The following MYO1E variants were observed in gnomAD, a reference collection of about 807,000 sequenced individuals.
MYO1E encodes the protein myosin IE, also known as unconventional myosin-Ie.
Under a neutral mutation model 151.1 loss-of-function variants are expected in MYO1E, and 68 were observed. The ratio of observed to expected loss-of-function variants is 0.45; its 90% CI spans 0.37 to 0.55. The LOEUF (loss-of-function observed/expected upper bound fraction) is 0.55, where lower values mean the gene tolerates loss of function less well. Among genes scored for constraint, MYO1E ranks in the 20% least tolerant of loss-of-function variants. The probability of loss-of-function intolerance (pLI) is 0.00; values close to 1 mark genes in which losing one functional copy is unlikely to be tolerated. For missense variants in MYO1E, 1,363 were observed against 1,389.3 expected (o/e 0.98, Z 0.30); for synonymous variants, 601 against 501.7 (o/e 1.20, Z -2.64).
chr15:59,353,084 C>T (rs1481794205), intron 1 of MYO1E, among the ~76,000 whole-genome samples: 2 of 152,182 alleles, frequency 1.3e-5, no homozygotes, highest in African/African-American at 2.4e-5. Context: ...TAAGTTTCTT[C>T]AACCTTCACA....
At chr15:59,174,335 A>AC (rs2140317535) in intron 19 of MYO1E, 95 bp from the exon 20 acceptor site, 1 of 859,190 alleles carries the variant, frequency 1.2e-6, no homozygotes, top group Admixed American at 1.7e-5. Context: ...CAGTTTAGAC[A>AC]ATGACACACA....
rs189463075 is a variant in MYO1E at position 59,266,042 on chromosome 15, T to G, written c.148-4533A>C. ...AAAACTAAGGAGAATTTAATTGATT[T>G]AAAGAAAATAAACATATCGTAGTTA... On this transcript the variant is annotated intron_variant, in intron 2 of 27. Coordinates refer to ENST00000288235, the MANE Select transcript of MYO1E (RefSeq NM_004998.4). Among the ~76,000 whole-genome samples the G allele has an allele frequency of 1.0e-3, 158 of 152,272 alleles. 2 individuals are homozygous for G. Among genetic ancestry groups the G allele is most frequent in the South Asian group, 6.0e-3 (29 of 4,826 alleles).
chr15:59,263,907 T>A (rs543493413), intron 2 of MYO1E, among the ~76,000 whole-genome samples: 2 of 152,180 alleles, frequency 1.3e-5, no homozygotes, highest in South Asian at 4.1e-4. Flanking sequence ...GACACATACA[T>A]GTACTGTTAA....
At chr15:59,191,609 T>C (rs1397279092) in intron 17 of MYO1E, among the ~76,000 whole-genome samples, 2 of 152,174 alleles carry the variant, frequency 1.3e-5, no homozygotes, top group Non-Finnish European at 2.9e-5. Context: ...TCCTCTCCCA[T>C]GAATCACATA....
intron 1 of MYO1E, among the ~76,000 whole-genome samples, chr15:59,329,285 G>A (rs565802543): frequency 5.4e-4 from 82 of 152,246 alleles, no homozygotes; most frequent in African/African-American, 1.9e-3. Context: ...ACACTATGAC[G>A]TAGATACTGT....
chr15:59,329,006 T>C (rs1434220818), intron 1 of MYO1E, among the ~76,000 whole-genome samples: 3 of 152,188 alleles, frequency 2.0e-5, no homozygotes, highest in Admixed American at 1.3e-4. Context: ...AATGACACCA[T>C]AGCTGCTTCA....
intron 1 of MYO1E, among the ~76,000 whole-genome samples, chr15:59,278,139 G>C (rs2080332030): frequency 6.6e-6 from 1 of 152,214 alleles, no homozygotes; most frequent in South Asian, 2.1e-4. Flanking sequence ...GTCCAGGTTT[G>C]AAAGGTGATT....
In MYO1E at chr15:59,372,636, G is replaced by A; in HGVS notation, c.-136C>T. 1 of 1,111,084 alleles carries A rather than the reference G, an allele frequency of 9.0e-7. No individual in the cohort carries two copies. Among genetic ancestry groups the A allele is most frequent in the South Asian group, 1.5e-5 (1 of 66,398 alleles). 68.8% of individuals were successfully genotyped at this position (1,111,084 alleles called of 1,614,324 possible). ...GGCTCCCGACACCCAAGCACTCACA[G>A]GAGCCAATGGGAACCCAGAGGGGAC... On this transcript the variant is annotated 5_prime_UTR_variant, in exon 1 of 28. Transcript: ENST00000288235.
At position 59,309,033 on chromosome 15, in the gene MYO1E, A is replaced by G. The variant is rs534636916; in HGVS notation, c.4-36584T>C. 4.6e-5 allele frequency among the ~76,000 whole-genome samples: 7 copies of G among 151,770 alleles called. No individual in the cohort carries two copies. In the South Asian group the frequency reaches 1.5e-3, roughly 32 times the overall value. On this transcript the variant is annotated intron_variant, in intron 1 of 27. Transcript: ENST00000288235. The stretch of plus-strand genomic sequence containing the variant: ...GAGGCTGAGGTGGGAGGATAGCTTG[A>G]GCCTGGGAGTTCGGAAGCTACAGTA...
intron 1 of MYO1E, among the ~76,000 whole-genome samples, chr15:59,294,917 C>A (rs187812305): frequency 2.1e-4 from 32 of 152,266 alleles, no homozygotes; most frequent in Admixed American, 1.8e-3. Flanking sequence ...CTAGTCCATC[C>A]TTGAAGACCC....
Position 59,174,216 on chromosome 15 carries a change from C to T in MYO1E, c.2074G>A (p.Glu692Lys). 1 of 1,613,746 alleles carries T rather than the reference C, an allele frequency of 6.2e-7. No individual in the cohort carries two copies. The highest frequency in any genetic ancestry group is 1.3e-5 in the African/African-American group (1 of 75,062). Residue 692 changes from glutamate to lysine, a missense_variant, in exon 20 of 28, where the codon GAG (glutamate) becomes AAG (lysine). Transcript: ENST00000288235. The stretch of plus-strand genomic sequence containing the variant: ...CGAGCATACCCATCATACTTTCTCT[C>T]TCTCATCTCTTCTAAAAGAAATAGC... The part of the protein sequence containing the change: ...ESLFLLEEMR[E>K]RKYDGYARVI...
intron 1 of MYO1E, among the ~76,000 whole-genome samples, chr15:59,362,627 C>T (rs1349639616): frequency 3.3e-5 from 5 of 152,194 alleles, no homozygotes; most frequent in Admixed American, 1.3e-4. Context: ...CTTAAAATAG[C>T]TTATTAGATT....
In MYO1E at chr15:59,236,419, CAA is replaced by C. The variant is rs1244262255; in HGVS notation, c.420+164_420+165del. On this transcript the variant is annotated intron_variant, in intron 5 of 27. Coordinates refer to ENST00000288235, the MANE Select transcript of MYO1E (RefSeq NM_004998.4). ...ACACACACACACACACACACACACA[CAA>C]ACACACATACATATGCTATTCCTTT... is the stretch of plus-strand genomic sequence containing the variant. 6.7e-4 allele frequency among the ~76,000 whole-genome samples: 93 copies of C among 137,834 alleles called. 1 individual carries two copies. The highest frequency in any genetic ancestry group is 2.5e-3 in the African/African-American group (90 of 35,900). The allele number at this position is 137,834 out of a possible 152,430, so 90.4% of individuals were successfully genotyped here. A position where few individuals can be genotyped will look rare whatever the true frequency, so the allele number is the denominator to read the frequency against.
At chr15:59,213,136 T>TTTATTTATTATTA (rs1343330832) in intron 12 of MYO1E, among the ~76,000 whole-genome samples, 8 of 139,368 alleles carry the variant, frequency 5.7e-5, no homozygotes, top group South Asian at 2.3e-4. Context: ...GAACTATTTA[T>TTTATTTATTATTA]TTATTATTAT....
intron 1 of MYO1E, among the ~76,000 whole-genome samples, chr15:59,301,396 G>A (rs913037343): frequency 1.3e-5 from 2 of 152,114 alleles, no homozygotes; most frequent in Non-Finnish European, 2.9e-5. Context: ...CTCATTCCCA[G>A]GAAATTTTAC....
At chr15:59,371,904 C>A (rs2080947594) in intron 1 of MYO1E, among the ~76,000 whole-genome samples, 1 of 150,830 alleles carries the variant, frequency 6.6e-6, no homozygotes, top group Non-Finnish European at 1.5e-5. Context: ...CCCTACCTGG[C>A]GCCCCCGCCT....
In MYO1E at chr15:59,178,362, GA is replaced by G. The variant is rs745810568; in HGVS notation, c.2049+30del. ...GGGCTGGCGGGGGCCCCGCGGGAGG[GA>G]AGAGAGTGGAGAGCCAGCCAAGCAC... On this transcript the variant is annotated intron_variant, in intron 19 of 27. Transcript: ENST00000288235. 9 of 1,613,434 alleles carry G rather than the reference GA, an allele frequency of 5.6e-6. No individual in the cohort carries two copies. The African/African-American group carries it at 1.2e-4, about 21-fold the overall frequency.
At chr15:59,241,393 T>C (rs2140360857) in intron 4 of MYO1E, among the ~76,000 whole-genome samples, 1 of 152,006 alleles carries the variant, frequency 6.6e-6, no homozygotes, top group South Asian at 2.1e-4. Context: ...ATAAAACAAA[T>C]AAAAATAAAA....
chr15:59,358,731 G>C (rs1256253176), intron 1 of MYO1E, among the ~76,000 whole-genome samples: 1 of 152,180 alleles, frequency 6.6e-6, no homozygotes, highest in South Asian at 2.1e-4. Context: ...TTTATTTGGA[G>C]TCTGTATTGA....
Sources: gnomAD v4.1 joint callset for allele counts (sites outside exome capture counted in the v4.1 genomes callset) on GRCh38, gnomAD v4.1.1 for gene constraint, MANE v1.5 for transcripts, NCBI Gene and HGNC (gene_info 2026-07-23, HGNC 2026-07-21) for gene names.